Variants in CEP170 observed in about 807,000 individuals in gnomAD.
CEP170 encodes centrosomal protein 170, also known as centrosomal protein of 170 kDa.
A neutral mutation model predicts 151.9 loss-of-function variants in CEP170; 21 were observed. That is an observed-to-expected ratio of 0.14 (90% confidence interval 0.10 to 0.20). CEP170 has a LOEUF of 0.20. Ranked by LOEUF, CEP170 falls within the 10% of genes least tolerant of loss-of-function variation. CEP170 has a pLI of 1.00. For synonymous variants in CEP170, 356 were observed against 648.8 expected, an observed-to-expected ratio of 0.55 and a Z score of 6.86; for missense variants, 964 against 1,892.9, an observed-to-expected ratio of 0.51 and a Z score of 9.11.
At chr1:243,205,898 C>T (rs866995884) in intron 4 of CEP170, among the ~76,000 whole-genome samples, 1 of 145,162 alleles carries the variant, frequency 6.9e-6, no homozygotes, top group Non-Finnish European at 1.5e-5. Flanking sequence ...GTCAACAAAC[C>T]CCAAGGGAGG....
chr1:243,242,294 A>C (rs890637090), intron 1 of CEP170, among the ~76,000 whole-genome samples: 5 of 151,212 alleles, frequency 3.3e-5, no homozygotes. Context: ...TCTCTGCTCA[A>C]TACAAGCTCC....
chr1:243,126,662 T>C lies in CEP170; in HGVS notation c.4542A>G (p.Pro1514=). 1.9e-6 allele frequency: 3 copies of C among 1,557,896 alleles called. No individual in the cohort carries two copies. Among genetic ancestry groups the C allele is most frequent in the Non-Finnish European group, 2.6e-6 (3 of 1,148,952 alleles). ...NNMGFPSAML[P]SPPKQKSSPV... ...GGCTGGACTTCTGTTTCGGTGGAGA[T>C]GGCAACATAGCACTGGGAAATCCCA... Residue 1514 remains proline (P), a synonymous_variant, in exon 20 of 20, where the codon CCA becomes CCG. Coordinates refer to ENST00000366542, the MANE Select transcript of CEP170 (RefSeq NM_014812.3).
intron 3 of CEP170, among the ~76,000 whole-genome samples, chr1:243,213,679 A>C (rs2062014321): frequency 6.6e-6 from 1 of 152,146 alleles, no homozygotes; most frequent in Admixed American, 6.5e-5. Flanking sequence ...TTTTTCAAAA[A>C]GAATCTGAAT....
At chr1:243,148,954 GATA>G (rs1160744880) in intron 14 of CEP170, among the ~76,000 whole-genome samples, 3 of 152,142 alleles carry the variant, frequency 2.0e-5, no homozygotes, top group African/African-American at 7.2e-5. Context: ...TTTAGGATGG[GATA>G]ATAATGAGTT....
chr1:243,208,152 T>C (rs538036325), intron 4 of CEP170, among the ~76,000 whole-genome samples: 1 of 152,226 alleles, frequency 6.6e-6, no homozygotes, highest in South Asian at 2.1e-4. Flanking sequence ...AAAACTTTAT[T>C]GGCTACATCT....
At chr1:243,240,416 G>A (rs1361507473) in intron 1 of CEP170, among the ~76,000 whole-genome samples, 4 of 152,196 alleles carry the variant, frequency 2.6e-5, no homozygotes, top group South Asian at 4.1e-4. Context: ...AAGTGAAGCC[G>A]TTCACCATCA....
chr1:243,243,853 C>T lies in CEP170; in HGVS notation c.-42+11187G>A, dbSNP rs1372825163. Among the ~76,000 whole-genome samples the T allele has an allele frequency of 2.0e-5, 3 of 151,758 alleles. No individual in the cohort carries two copies. The East Asian group carries it at 5.8e-4, about 29-fold the overall frequency. ...CATTCCTCTTTAAAAGTAGACACCA[C>T]ACACACACACATACACAAATGCCCT... On this transcript the variant is annotated intron_variant, in intron 1 of 19. Transcript: ENST00000366542.
chr1:243,190,558 G>A (rs1054680133), intron 8 of CEP170, among the ~76,000 whole-genome samples: 1 of 151,894 alleles, frequency 6.6e-6, no homozygotes, highest in Non-Finnish European at 1.5e-5. Flanking sequence ...ACTTTGAAGC[G>A]CTCCATCAAT....
In CEP170 at chr1:243,180,551, TCTC is replaced by T. The variant is rs558229415; in HGVS notation, c.1566+5225_1566+5227del. Reference sequence around the variant, plus strand: ...CCTATTGTCCAAGGCTCTCACTTGATCTCCTACTCCTTGAGTTCCCATGCACAT... The same window carrying T: ...CCTATTGTCCAAGGCTCTCACTTGATCTACTCCTTGAGTTCCCATGCACAT... On this transcript the variant is annotated intron_variant, in intron 10 of 19. Coordinates refer to ENST00000366542, the MANE Select transcript of CEP170 (RefSeq NM_014812.3). Among the ~76,000 whole-genome samples, 26 of 152,354 alleles carry T rather than the reference TCTC, an allele frequency of 1.7e-4. No homozygotes were observed. In the South Asian group the frequency reaches 5.2e-3, roughly 30 times the overall value.
At position 243,199,047 on chromosome 1, in the gene CEP170, G is replaced by C. The variant is rs776421561; in HGVS notation, c.631+13C>G. On this transcript the variant is annotated intron_variant, in intron 7 of 19. Transcript: ENST00000366542. ...ATATCCACTTAATGTCACAGTGACTGAGATTTTTTTACCTGATGTTCCAGC... is the reference window on the plus strand; with the variant it reads ...ATATCCACTTAATGTCACAGTGACTCAGATTTTTTTACCTGATGTTCCAGC... The C allele has an allele frequency of 4.4e-6, 7 of 1,588,452 alleles. No individual in the cohort carries two copies. In the Admixed American group the frequency reaches 5.1e-5, roughly 12 times the overall value.
At chr1:243,205,681 T>C (rs1035947516) in intron 4 of CEP170, among the ~76,000 whole-genome samples, 2 of 152,186 alleles carry the variant, frequency 1.3e-5, no homozygotes, top group Admixed American at 1.3e-4. Context: ...TCCAGAAGAA[T>C]GCTCAAAAAT....
chr1:243,190,409 ATAAC>A (rs1181574321), intron 8 of CEP170, among the ~76,000 whole-genome samples: 1 of 152,332 alleles, frequency 6.6e-6, no homozygotes, highest in East Asian at 1.9e-4. Context: ...TAAAGTATAT[ATAAC>A]TATTTCAAAA....
chr1:243,134,514 T>C (rs967624587), intron 17 of CEP170, among the ~76,000 whole-genome samples: 11 of 152,148 alleles, frequency 7.2e-5, no homozygotes, highest in Non-Finnish European at 1.5e-5. Context: ...TTGCTGTTTT[T>C]TGAGATAGGA....
At chr1:243,254,110 C>A (rs1423824713) in intron 1 of CEP170, among the ~76,000 whole-genome samples, 1 of 152,052 alleles carries the variant, frequency 6.6e-6, no homozygotes, top group Non-Finnish European at 1.5e-5. Context: ...TCCAACGTCA[C>A]CTAGTAATTT....
At chr1:243,161,012 A>G (rs1292954340) in intron 13 of CEP170, among the ~76,000 whole-genome samples, 1 of 151,366 alleles carries the variant, frequency 6.6e-6, no homozygotes, top group Non-Finnish European at 1.5e-5. Flanking sequence ...TATTTCAGTT[A>G]CAACTTGATA....
At chr1:243,140,225 C>G in intron 15 of CEP170, 118 bp from the exon 16 acceptor site, 2 of 1,400,308 alleles carry the variant, frequency 1.4e-6, no homozygotes, top group African/African-American at 2.9e-5. Context: ...GTAACAGAGG[C>G]ACAACATCTT....
intron 16 of CEP170, 118 bp downstream of exon 16, chr1:243,139,819 A>T: frequency 1.9e-6 from 2 of 1,069,256 alleles, no homozygotes; most frequent in South Asian, 2.1e-5. Flanking sequence ...GTGAAATTTC[A>T]TTGCATTCAT....
intron 13 of CEP170, among the ~76,000 whole-genome samples, chr1:243,157,202 C>T (rs564523607): frequency 6.6e-6 from 1 of 152,146 alleles, no homozygotes; most frequent in African/African-American, 2.4e-5. Context: ...ACTGAAGGCA[C>T]AGGAGATACT....
At chr1:243,202,417 T>C (rs922494901) in intron 4 of CEP170, among the ~76,000 whole-genome samples, 3 of 152,126 alleles carry the variant, frequency 2.0e-5, no homozygotes, top group Admixed American at 6.6e-5. Context: ...AATTCATCCA[T>C]GTATCCAAAA....
Sources: gnomAD v4.1 joint callset for allele counts (sites outside exome capture counted in the v4.1 genomes callset) on GRCh38, gnomAD v4.1.1 for gene constraint, MANE v1.5 for transcripts, NCBI Gene and HGNC (gene_info 2026-07-23, HGNC 2026-07-21) for gene names.